DPP10: variants seen among roughly 807,000 people sequenced by gnomAD.
The protein encoded by DPP10 is inactive dipeptidyl peptidase 10.
DPP10 carries 33 observed loss-of-function variants against 120.9 expected under a neutral mutation model. The observed-to-expected ratio is 0.27, with a 90% CI of 0.21 to 0.37. The LOEUF (loss-of-function observed/expected upper bound fraction) is 0.37, where lower values mean the gene tolerates loss of function less well. Ranked by LOEUF, DPP10 falls within the 10% of genes least tolerant of loss-of-function variation. DPP10 has a pLI of 1.00. For synonymous variants in DPP10, 337 were observed against 326.1 expected (o/e 1.03, Z -0.36); for missense variants, 816 against 942.8 (o/e 0.87, Z 1.76).
intron 1 of DPP10, among the ~76,000 whole-genome samples, chr2:115,279,236 T>G (rs1325171916): frequency 6.6e-6 from 1 of 152,204 alleles, no homozygotes; most frequent in Non-Finnish European, 1.5e-5. Context: ...CTCTCATGTA[T>G]GAATTTGAAA....
At chr2:115,106,622 G>A (rs1347833244) in intron 1 of DPP10, among the ~76,000 whole-genome samples, 1 of 146,208 alleles carries the variant, frequency 6.8e-6, no homozygotes, top group African/African-American at 2.6e-5. Context: ...ACCACACCCA[G>A]CTAATTTTAC....
intron 1 of DPP10, among the ~76,000 whole-genome samples, chr2:115,269,943 T>C (rs1175728599): frequency 1.3e-5 from 2 of 152,140 alleles, no homozygotes; most frequent in Non-Finnish European, 2.9e-5. Context: ...ACTTTAGCCC[T>C]GCCCTGATGG....
chr2:115,669,649 T>A (rs1027489431), intron 5 of DPP10, among the ~76,000 whole-genome samples: 2 of 152,146 alleles, frequency 1.3e-5, no homozygotes, highest in South Asian at 4.1e-4. Flanking sequence ...TCCAGTAATG[T>A]CCCACGTCTT....
intron 1 of DPP10, among the ~76,000 whole-genome samples, chr2:114,926,762 A>AAC (rs776440087): frequency 2.9e-4 from 44 of 152,180 alleles, no homozygotes; most frequent in Non-Finnish European, 5.7e-4. Context: ...TCTAAAAGGC[A>AAC]ACTGCCTCTA....
At chr2:114,501,026 A>G (rs904351131) in intron 1 of DPP10, among the ~76,000 whole-genome samples, 2 of 152,224 alleles carry the variant, frequency 1.3e-5, no homozygotes, top group Non-Finnish European at 2.9e-5. Context: ...GGTGGAAACT[A>G]TAGTTACAAA....
chr2:115,375,586 G>A (rs184458468), intron 3 of DPP10, among the ~76,000 whole-genome samples: 29 of 152,206 alleles, frequency 1.9e-4, no homozygotes, highest in Admixed American at 1.7e-3. Flanking sequence ...CTCCCACTCT[G>A]CTGGTACCAA....
chr2:115,285,325 A>G (rs763312563), intron 1 of DPP10, among the ~76,000 whole-genome samples: 4 of 152,078 alleles, frequency 2.6e-5, no homozygotes, highest in African/African-American at 9.6e-5. Context: ...CATTGCCTGT[A>G]ATATTGGAAG....
chr2:115,566,547 G>A (rs773775741), intron 5 of DPP10, among the ~76,000 whole-genome samples: 5 of 152,090 alleles, frequency 3.3e-5, no homozygotes, highest in African/African-American at 4.8e-5. Context: ...GATTTGGCCA[G>A]TGGGATCCAG....
intron 3 of DPP10, among the ~76,000 whole-genome samples, chr2:115,388,674 T>G (rs533466768): frequency 6.6e-6 from 1 of 152,310 alleles, no homozygotes; most frequent in Admixed American, 6.5e-5. Flanking sequence ...GATTATGTTG[T>G]TTTTTTCTCC....
intron 1 of DPP10, among the ~76,000 whole-genome samples, chr2:114,653,975 C>T (rs1036773272): frequency 1.3e-5 from 2 of 152,082 alleles, no homozygotes. Flanking sequence ...CATAGGCCTC[C>T]AGGGTTATTT....
In DPP10 at chr2:115,071,308, G is replaced by C. The variant is rs185446330; in HGVS notation, c.61-237931G>C. ...TCCTCCACGTCCCATGCAGTGTATG[G>C]TGTTAACTCATACAAAGCAGTGCAT... On this transcript the variant is annotated intron_variant, in intron 1 of 25. Transcript: ENST00000410059. 7.8e-4 allele frequency among the ~76,000 whole-genome samples: 118 copies of C among 151,996 alleles called. 1 individual carries two copies. The highest frequency in any genetic ancestry group is 2.0e-4 in the Admixed American group (3 of 15,260).
At position 115,149,449 on chromosome 2, in the gene DPP10, A is replaced by G. The variant is rs1034748622; in HGVS notation, c.61-159790A>G. 2.4e-4 allele frequency among the ~76,000 whole-genome samples: 37 copies of G among 152,174 alleles called. 1 individual carries two copies. The highest frequency in any genetic ancestry group is 2.0e-3 in the Admixed American group (31 of 15,272). On this transcript the variant is annotated intron_variant, in intron 1 of 25. Transcript: ENST00000410059. ...AAATTGGTTCCCTATCATCCTCATC[A>G]ATTAGGATTTAAATTTATCTGATGG...
intron 1 of DPP10, among the ~76,000 whole-genome samples, chr2:114,662,898 C>T (rs1437598736): frequency 6.6e-6 from 1 of 152,136 alleles, no homozygotes; most frequent in African/African-American, 2.4e-5. Flanking sequence ...CCCAGAGACT[C>T]GGCAGAACAT....
At chr2:115,040,026 G>A (rs1013638071) in intron 1 of DPP10, among the ~76,000 whole-genome samples, 6 of 152,112 alleles carry the variant, frequency 3.9e-5, no homozygotes, top group African/African-American at 9.7e-5. Context: ...GGTCTTGACC[G>A]CTAGTATAAG....
At position 115,097,342 on chromosome 2, in the gene DPP10, T is replaced by C. The variant is rs975476617; in HGVS notation, c.61-211897T>C. ...CAGAGACTCCAAATCTGATTCTGTA[T>C]TGAATTCTAATGTGAAGATCTTTGC... On this transcript the variant is annotated intron_variant, in intron 1 of 25. Transcript: ENST00000410059. 8.5e-5 allele frequency among the ~76,000 whole-genome samples: 13 copies of C among 152,324 alleles called. No individual in the cohort carries two copies. The East Asian group carries it at 2.5e-3, about 29-fold the overall frequency.
At chr2:114,936,483 A>G (rs2104534957) in intron 1 of DPP10, among the ~76,000 whole-genome samples, 1 of 151,874 alleles carries the variant, frequency 6.6e-6, no homozygotes, top group East Asian at 1.9e-4. Flanking sequence ...TTTTTTATCC[A>G]CTAGTTGATT....
intron 3 of DPP10, among the ~76,000 whole-genome samples, chr2:115,457,534 AT>A (rs1359342368): frequency 6.6e-6 from 1 of 152,106 alleles, no homozygotes; most frequent in Admixed American, 6.6e-5. Flanking sequence ...ATTTTAACAA[AT>A]TTTTTACCAA....
chr2:114,688,524 C>G (rs1192686145), intron 1 of DPP10, among the ~76,000 whole-genome samples: 1 of 151,910 alleles, frequency 6.6e-6, no homozygotes, highest in Non-Finnish European at 1.5e-5. Flanking sequence ...TTAGGATGTT[C>G]TGATGCTTGG....
intron 5 of DPP10, among the ~76,000 whole-genome samples, chr2:115,597,431 G>GT (rs1416243934): frequency 2.6e-5 from 4 of 151,844 alleles, no homozygotes; most frequent in Non-Finnish European, 4.4e-5. Flanking sequence ...GGAAGCAAAC[G>GT]TAAGTACCAT....
Sources: gnomAD v4.1 joint callset for allele counts (sites outside exome capture counted in the v4.1 genomes callset) on GRCh38, gnomAD v4.1.1 for gene constraint, MANE v1.5 for transcripts, NCBI Gene and HGNC (gene_info 2026-07-23, HGNC 2026-07-21) for gene names.